DSCAM: variants seen among roughly 807,000 people sequenced by gnomAD.
DSCAM encodes the protein DS cell adhesion molecule, also known as cell adhesion molecule DSCAM.
A neutral mutation model predicts 217.7 loss-of-function variants in DSCAM; 47 were observed. The ratio of observed to expected loss-of-function variants is 0.22; its 90% CI spans 0.17 to 0.28. The LOEUF is 0.28. DSCAM is among the 10% of genes least tolerant of loss of function. DSCAM has a pLI of 1.00. For synonymous variants in DSCAM, 1,056 were observed against 1,015.3 expected (o/e 1.04, Z -0.76); for missense variants, 2,080 against 2,618.3 (o/e 0.79, Z 4.49).
At chr21:40,135,558 G>A (rs2030604642) in intron 18 of DSCAM, among the ~76,000 whole-genome samples, 1 of 152,220 alleles carries the variant, frequency 6.6e-6, no homozygotes, top group Admixed American at 6.5e-5. Context: ...GGCTGAAAAT[G>A]GAGGCACCCA....
At chr21:40,051,423 T>G (rs1457699611) in intron 30 of DSCAM, among the ~76,000 whole-genome samples, 1 of 152,220 alleles carries the variant, frequency 6.6e-6, no homozygotes, top group Admixed American at 6.5e-5. Context: ...AAACAGTGTG[T>G]TCAGGGGCAA....
intron 3 of DSCAM, among the ~76,000 whole-genome samples, chr21:40,643,160 T>C (rs2089903829): frequency 6.6e-6 from 1 of 152,140 alleles, no homozygotes; most frequent in Admixed American, 6.5e-5. Context: ...AGGAATAAGA[T>C]CTGTCTGATG....
chr21:40,128,138 T>C (rs1420729986), intron 19 of DSCAM, among the ~76,000 whole-genome samples: 5 of 151,074 alleles, frequency 3.3e-5, no homozygotes, highest in Admixed American at 1.3e-4. Flanking sequence ...GGGTGATCTA[T>C]CAACGTCTGT....
chr21:40,028,713 C>T (rs2088449520), intron 32 of DSCAM, among the ~76,000 whole-genome samples: 1 of 152,164 alleles, frequency 6.6e-6, no homozygotes. Flanking sequence ...TCGGCTCACG[C>T]ACAGTGTGCG....
chr21:40,521,626 A>G (rs919778768), intron 3 of DSCAM, among the ~76,000 whole-genome samples: 2 of 149,622 alleles, frequency 1.3e-5, no homozygotes, highest in Non-Finnish European at 3.0e-5. Flanking sequence ...CTGAATATTA[A>G]CCCCTCAAAT....
intron 3 of DSCAM, among the ~76,000 whole-genome samples, chr21:40,458,551 A>C (rs1276963392): frequency 6.6e-6 from 1 of 152,196 alleles, no homozygotes; most frequent in Non-Finnish European, 1.5e-5. Flanking sequence ...TGAGGAAAGC[A>C]AAAGGAACAA....
At chr21:40,419,357 G>A (rs115363081) in intron 3 of DSCAM, among the ~76,000 whole-genome samples, 5 of 151,998 alleles carry the variant, frequency 3.3e-5, no homozygotes, top group East Asian at 1.9e-4. Flanking sequence ...TGAAGTATCC[G>A]AAATATTATT....
At chr21:40,388,781 T>C (rs142497826) in intron 3 of DSCAM, among the ~76,000 whole-genome samples, 53 of 152,318 alleles carry the variant, frequency 3.5e-4, no homozygotes, top group Non-Finnish European at 5.7e-4. Context: ...ACATACCCTA[T>C]TGGAGTAGGG....
intron 11 of DSCAM, among the ~76,000 whole-genome samples, chr21:40,242,305 G>A (rs550343222): frequency 1.1e-3 from 161 of 152,258 alleles, no homozygotes; most frequent in African/African-American, 3.8e-3. Context: ...ACATGTTTCC[G>A]CTCATCTACC....
chr21:40,693,049 A>C, intron 2 of DSCAM, 93 bp from the exon 3 acceptor site: 1 of 1,348,180 alleles, frequency 7.4e-7, no homozygotes, highest in Admixed American at 2.1e-5. Flanking sequence ...CAGCACACAC[A>C]CATCAATTGC....
intron 1 of DSCAM, among the ~76,000 whole-genome samples, chr21:40,771,701 A>G (rs1250865132): frequency 2.6e-5 from 4 of 152,222 alleles, no homozygotes; most frequent in South Asian, 2.1e-4. Flanking sequence ...ACCTTGAACA[A>G]TTCCTTTTTT....
chr21:40,418,323 C>CA (rs1233981730), intron 3 of DSCAM, among the ~76,000 whole-genome samples: 1 of 151,864 alleles, frequency 6.6e-6, no homozygotes, highest in Non-Finnish European at 1.5e-5. Flanking sequence ...GGTATCTGAG[C>CA]AAAAAATCTT....
At chr21:40,670,536 C>CA (rs56321584) in intron 3 of DSCAM, among the ~76,000 whole-genome samples, 4,438 of 136,080 alleles carry the variant, frequency 0.033, 155 homozygotes, top group African/African-American at 0.082. Flanking sequence ...GACTCCGTCT[C>CA]AAAAAAAAAA....
intron 1 of DSCAM, among the ~76,000 whole-genome samples, chr21:40,746,375 C>CAAAAAAA (rs3071028): frequency 7.0e-6 from 1 of 142,044 alleles, no homozygotes; most frequent in African/African-American, 2.6e-5. Context: ...CAAATTGAAG[C>CAAAAAAA]AAAAAAAAAA....
chr21:40,523,791 T>TAACACACA (rs903940761), intron 3 of DSCAM, among the ~76,000 whole-genome samples: 1 of 151,796 alleles, frequency 6.6e-6, no homozygotes. Flanking sequence ...GAGCACACAG[T>TAACACACA]AACACACAAA....
In DSCAM at chr21:40,577,273, C is replaced by T. The variant is rs570254311; in HGVS notation, c.508+115537G>A. ...AAAAAAAAAAGAGTCCTTTATTAGC[C>T]GGCGACCAGGCCGCTTCCCTCTTAC... On this transcript the variant is annotated intron_variant, in intron 3 of 32. Transcript: ENST00000400454. Among the ~76,000 whole-genome samples, 11 of 150,048 alleles carry T rather than the reference C, an allele frequency of 7.3e-5. 1 individual carries two copies. The highest frequency in any genetic ancestry group is 2.0e-4 in the Admixed American group (3 of 15,050).
At chr21:40,398,730 G>A (rs9983063) in intron 3 of DSCAM, among the ~76,000 whole-genome samples, 3,406 of 151,422 alleles carry the variant, frequency 0.022, 69 homozygotes, top group Non-Finnish European at 0.032. Context: ...CACCTCCTGG[G>A]TTCAAGCGAT....
intron 3 of DSCAM, among the ~76,000 whole-genome samples, chr21:40,686,355 ACAC>A (rs1036377482): frequency 1.3e-5 from 2 of 151,396 alleles, no homozygotes; most frequent in Non-Finnish European, 2.9e-5. Context: ...CATGCCACAC[ACAC>A]ACCACACACA....
chr21:40,443,750 C>T (rs2075651568), intron 3 of DSCAM, among the ~76,000 whole-genome samples: 1 of 152,108 alleles, frequency 6.6e-6, no homozygotes, highest in African/African-American at 2.4e-5. Context: ...AAGATGGGTC[C>T]TATTTTCTCT....
Sources: gnomAD v4.1 joint callset for allele counts (sites outside exome capture counted in the v4.1 genomes callset) on GRCh38, gnomAD v4.1.1 for gene constraint, MANE v1.5 for transcripts, NCBI Gene and HGNC (gene_info 2026-07-23, HGNC 2026-07-21) for gene names.